Variants in ST6GALNAC5 observed in about 807,000 individuals in gnomAD.
The protein encoded by ST6GALNAC5 is ST6 N-acetylgalactosaminide alpha-2,6-sialyltransferase 5, also known as alpha-N-acetylgalactosaminide alpha-2,6-sialyltransferase 5.
Under a neutral mutation model 33.6 loss-of-function variants are expected in ST6GALNAC5, and 27 were observed. The ratio of observed to expected loss-of-function variants is 0.80; its 90% CI spans 0.59 to 1.11. ST6GALNAC5 has a LOEUF of 1.11. ST6GALNAC5 is among the 50% of genes least tolerant of loss of function. The pLI is 0.00. For synonymous variants in ST6GALNAC5, 194 were observed against 171.2 expected, an observed-to-expected ratio of 1.13 and a Z score of -1.04; for missense variants, 428 against 454.0, an observed-to-expected ratio of 0.94 and a Z score of 0.52.
intron 2 of ST6GALNAC5, among the ~76,000 whole-genome samples, chr1:77,029,522 A>G (rs1348091273): frequency 1.3e-5 from 2 of 151,992 alleles, no homozygotes; most frequent in South Asian, 2.1e-4. Context: ...TTTTCCAATG[A>G]CCTCTGCTCC....
At chr1:76,916,815 C>G (rs1570670454) in intron 2 of ST6GALNAC5, among the ~76,000 whole-genome samples, 1 of 152,006 alleles carries the variant, frequency 6.6e-6, no homozygotes, top group Admixed American at 6.6e-5. Context: ...GCTTCACGTT[C>G]CAAACAATGA....
chr1:76,952,474 C>A (rs1291708374), intron 2 of ST6GALNAC5, among the ~76,000 whole-genome samples: 1 of 151,910 alleles, frequency 6.6e-6, no homozygotes, highest in East Asian at 1.9e-4. Flanking sequence ...ACCGGAGTAT[C>A]CTATAACACT....
chr1:76,981,842 C>T (rs1279622056), intron 2 of ST6GALNAC5, among the ~76,000 whole-genome samples: 1 of 152,188 alleles, frequency 6.6e-6, no homozygotes, highest in Non-Finnish European at 1.5e-5. Flanking sequence ...TATTCTGCAG[C>T]CTACATTGGA....
chr1:76,988,833 A>G (rs1476714700), intron 2 of ST6GALNAC5, among the ~76,000 whole-genome samples: 2 of 152,110 alleles, frequency 1.3e-5, no homozygotes, highest in East Asian at 3.8e-4. Context: ...TTATTGATTG[A>G]CTGAATTTTC....
intron 2 of ST6GALNAC5, among the ~76,000 whole-genome samples, chr1:76,924,395 T>C (rs1291405205): frequency 6.6e-6 from 1 of 152,198 alleles, no homozygotes; most frequent in Non-Finnish European, 1.5e-5. Flanking sequence ...TTTACTTTTA[T>C]GTAAGAACAC....
At chr1:76,924,987 A>G (rs1439786399) in intron 2 of ST6GALNAC5, among the ~76,000 whole-genome samples, 4 of 152,116 alleles carry the variant, frequency 2.6e-5, no homozygotes, top group Non-Finnish European at 5.9e-5. Context: ...TGCTGGCTTC[A>G]CAGGAAGCAT....
rs1459338914 is a variant in ST6GALNAC5, at chr1:77,065,726, C to A, written c.*2520C>A. 1 of 152,160 alleles carries A rather than the reference C, an allele frequency of 6.6e-6. No individual in the cohort carries two copies. Among genetic ancestry groups the A allele is most frequent in the African/African-American group, 2.4e-5 (1 of 41,440 alleles). 9.4% of individuals were successfully genotyped at this position (152,160 alleles called of 1,614,324 possible). A position where few individuals can be genotyped will look rare whatever the true frequency, so the allele number is the denominator to read the frequency against. On this transcript the variant is annotated 3_prime_UTR_variant, in exon 5 of 5. Transcript: ENST00000477717. ...CTGATATAAAAGATGACTACAGAACCATGTTTATAGACCTCGGTGATTTCA... is the reference window on the plus strand; with the variant it reads ...CTGATATAAAAGATGACTACAGAACAATGTTTATAGACCTCGGTGATTTCA...
At chr1:76,960,845 T>C (rs1648204435) in intron 2 of ST6GALNAC5, among the ~76,000 whole-genome samples, 1 of 152,194 alleles carries the variant, frequency 6.6e-6, no homozygotes, top group African/African-American at 2.4e-5. Context: ...TATCCTGTTC[T>C]TTTTCAAGTT....
Position 77,066,983 on chromosome 1 carries a change from C to G in ST6GALNAC5, c.*3777C>G, listed in dbSNP as rs1652799751. On this transcript the variant is annotated 3_prime_UTR_variant, in exon 5 of 5. Coordinates refer to ENST00000477717, the MANE Select transcript of ST6GALNAC5 (RefSeq NM_030965.3). ...TAGGTGGGAGGAATATATCTGGCTA[C>G]CATACAAGGTACTTCAGAAGTACCA... 6.6e-6 allele frequency among the ~76,000 whole-genome samples: 1 copy of G among 152,132 alleles called. No homozygotes were observed. The highest frequency in any genetic ancestry group is 2.4e-5 in the African/African-American group (1 of 41,434).
chr1:76,934,311 T>C (rs912397064), intron 2 of ST6GALNAC5, among the ~76,000 whole-genome samples: 5 of 152,034 alleles, frequency 3.3e-5, no homozygotes, highest in Non-Finnish European at 5.9e-5. Context: ...GGAGTTACAA[T>C]TGTATTTCTC....
At chr1:76,870,828 C>G (rs903865292) in intron 2 of ST6GALNAC5, among the ~76,000 whole-genome samples, 2 of 152,150 alleles carry the variant, frequency 1.3e-5, no homozygotes, top group African/African-American at 4.8e-5. Context: ...TCACAAAATT[C>G]TATACCCAAA....
chr1:77,039,640 A>G (rs1184737203), intron 2 of ST6GALNAC5, among the ~76,000 whole-genome samples: 1 of 152,224 alleles, frequency 6.6e-6, no homozygotes, highest in Non-Finnish European at 1.5e-5. Context: ...GTATTAATTA[A>G]ATGATTTTTC....
chr1:76,907,738 G>A (rs1009957621), intron 2 of ST6GALNAC5, among the ~76,000 whole-genome samples: 1 of 152,008 alleles, frequency 6.6e-6, no homozygotes, highest in African/African-American at 2.4e-5. Flanking sequence ...AGCATGGAGG[G>A]GTCTTATAAG....
intron 2 of ST6GALNAC5, among the ~76,000 whole-genome samples, chr1:77,034,744 T>C (rs921788815): frequency 6.6e-5 from 10 of 152,234 alleles, no homozygotes; most frequent in Admixed American, 4.6e-4. Context: ...GGGCAGCATG[T>C]CAAACAAGGG....
intron 2 of ST6GALNAC5, among the ~76,000 whole-genome samples, chr1:76,889,042 C>A (rs1438388028): frequency 1.3e-5 from 2 of 151,984 alleles, no homozygotes; most frequent in Non-Finnish European, 2.9e-5. Flanking sequence ...AATTTTGTAT[C>A]CCTTGACCAA....
At chr1:76,870,666 T>C (rs1173875779) in intron 2 of ST6GALNAC5, among the ~76,000 whole-genome samples, 1 of 152,160 alleles carries the variant, frequency 6.6e-6, no homozygotes, top group Non-Finnish European at 1.5e-5. Context: ...ACATGGGAAA[T>C]TGAAATGATA....
intron 2 of ST6GALNAC5, among the ~76,000 whole-genome samples, chr1:77,017,847 G>A (rs1054932705): frequency 2.6e-5 from 4 of 152,168 alleles, no homozygotes; most frequent in Non-Finnish European, 4.4e-5. Context: ...AATATGTAAA[G>A]AGACATAATA....
intron 2 of ST6GALNAC5, among the ~76,000 whole-genome samples, chr1:77,015,281 T>G (rs1445619348): frequency 1.3e-5 from 2 of 152,184 alleles, no homozygotes; most frequent in African/African-American, 4.8e-5. Flanking sequence ...ATTTAAGCAC[T>G]GAGGCAGAAA....
At chr1:76,901,606 A>T (rs1258838998) in intron 2 of ST6GALNAC5, among the ~76,000 whole-genome samples, 1 of 152,164 alleles carries the variant, frequency 6.6e-6, no homozygotes, top group African/African-American at 2.4e-5. Flanking sequence ...TACTTTGGGA[A>T]TATAAGGCCT....
Sources: allele counts gnomAD v4.1 joint callset (sites outside exome capture counted in the v4.1 genomes callset), GRCh38; gene constraint gnomAD v4.1.1; transcripts MANE v1.5; gene names NCBI Gene and HGNC (gene_info 2026-07-23, HGNC 2026-07-21).